The following CHODL variants were observed in gnomAD, a reference collection of about 807,000 sequenced individuals.
CHODL encodes the protein transmembrane protein MT75.
A neutral mutation model predicts 34.5 loss-of-function variants in CHODL; 29 were observed. The observed-to-expected ratio is 0.84, with a 90% CI of 0.63 to 1.15. CHODL has a LOEUF of 1.15. Among genes scored for constraint, CHODL ranks in the 50% most tolerant of loss-of-function variants. CHODL has a pLI of 0.00. For synonymous variants in CHODL, 125 were observed against 116.1 expected (o/e 1.08, Z -0.49); for missense variants, 332 against 332.5 (o/e 1.00, Z 0.01).
chr21:18,019,083 T>C (rs1256199062), intron 1 of CHODL, among the ~76,000 whole-genome samples: 3 of 152,234 alleles, frequency 2.0e-5, no homozygotes, highest in Non-Finnish European at 4.4e-5. Flanking sequence ...AAATGATTAT[T>C]TGTAGAGTTT....
At chr21:18,081,819 A>G (rs541007943) in intron 2 of CHODL, among the ~76,000 whole-genome samples, 1 of 152,046 alleles carries the variant, frequency 6.6e-6, no homozygotes, top group East Asian at 1.9e-4. Flanking sequence ...TTACATTGAG[A>G]TATGTTTCTT....
At chr21:18,264,131 G>A (rs1012094321) in intron 5 of CHODL, among the ~76,000 whole-genome samples, 2 of 152,082 alleles carry the variant, frequency 1.3e-5, no homozygotes, top group Non-Finnish European at 2.9e-5. Context: ...GGTGTGTTTA[G>A]AAATAGTTCT....
chr21:17,919,431 T>C (rs2063166802), intron 1 of CHODL, among the ~76,000 whole-genome samples: 1 of 152,164 alleles, frequency 6.6e-6, no homozygotes, highest in Non-Finnish European at 1.5e-5. Context: ...GCTACCAAGG[T>C]TTGGGATTCC....
intron 1 of CHODL, among the ~76,000 whole-genome samples, chr21:17,923,426 G>T (rs770835042): frequency 4.4e-4 from 67 of 151,318 alleles, no homozygotes; most frequent in Non-Finnish European, 7.5e-4. Flanking sequence ...CAAGATCTCA[G>T]AGGACATTTT....
intron 1 of CHODL, among the ~76,000 whole-genome samples, chr21:17,933,356 T>C (rs2063291509): frequency 6.6e-6 from 1 of 152,224 alleles, no homozygotes; most frequent in South Asian, 2.1e-4. Context: ...CCTTGGACAA[T>C]ACCTGGCTTT....
chr21:18,139,740 G>A (rs1688180), intron 2 of CHODL, among the ~76,000 whole-genome samples: 57,006 of 152,024 alleles, frequency 0.37, 12,961 homozygotes, highest in African/African-American at 0.61. Context: ...ACATTTAGAT[G>A]TGTATTCCAG....
chr21:18,094,757 AG>A (rs1286500583), intron 2 of CHODL, among the ~76,000 whole-genome samples: 25 of 150,658 alleles, frequency 1.7e-4, no homozygotes, highest in African/African-American at 5.6e-4. Context: ...AAAAAAAAAA[AG>A]CTTAAATAAC....
At chr21:18,090,361 C>T (rs1358528747) in intron 2 of CHODL, among the ~76,000 whole-genome samples, 1 of 152,074 alleles carries the variant, frequency 6.6e-6, no homozygotes, top group Non-Finnish European at 1.5e-5. Flanking sequence ...GATCCAAGAG[C>T]CTGCTGGTCA....
At chr21:18,186,776 AAGACT>A (rs1312766556) in intron 2 of CHODL, among the ~76,000 whole-genome samples, 1 of 152,182 alleles carries the variant, frequency 6.6e-6, no homozygotes, top group East Asian at 1.9e-4. Context: ...TAATCTCCCC[AAGACT>A]TATGAAATCA....
intron 2 of CHODL, among the ~76,000 whole-genome samples, chr21:18,159,301 G>A (rs896976348): frequency 6.6e-6 from 1 of 152,152 alleles, no homozygotes; most frequent in Non-Finnish European, 1.5e-5. Flanking sequence ...AAACACAAAC[G>A]TTTGGCAGAG....
chr21:18,186,387 G>C (rs1422898472), intron 2 of CHODL, among the ~76,000 whole-genome samples: 2 of 150,548 alleles, frequency 1.3e-5, no homozygotes, highest in Non-Finnish European at 2.9e-5. Context: ...GCTCCTTAGG[G>C]AAGAAAAGTT....
chr21:18,082,318 C>G (rs1053357569), intron 2 of CHODL, among the ~76,000 whole-genome samples: 1 of 152,190 alleles, frequency 6.6e-6, no homozygotes, highest in Admixed American at 6.5e-5. Flanking sequence ...GCCTGTGGAA[C>G]TGTGAGTCAA....
At chr21:18,161,528 T>C (rs2073095304) in intron 2 of CHODL, among the ~76,000 whole-genome samples, 1 of 152,218 alleles carries the variant, frequency 6.6e-6, no homozygotes, top group African/African-American at 2.4e-5. Flanking sequence ...CCTTCCACTC[T>C]GAGAGTCAGC....
chr21:18,002,995 C>A (rs1396558334), intron 1 of CHODL, among the ~76,000 whole-genome samples: 11 of 151,932 alleles, frequency 7.2e-5, no homozygotes, highest in Admixed American at 6.6e-4. Context: ...AGGTGGCGGG[C>A]GCCTGTAGTC....
At chr21:17,917,873 A>ATCCG (rs2063152631) in intron 1 of CHODL, among the ~76,000 whole-genome samples, 1 of 128,844 alleles carries the variant, frequency 7.8e-6, no homozygotes, top group African/African-American at 2.5e-5. Flanking sequence ...TCTCTCTGAT[A>ATCCG]TGCGTGTGTG....
intron 2 of CHODL, among the ~76,000 whole-genome samples, chr21:18,067,637 A>G (rs2064747479): frequency 6.6e-6 from 1 of 152,186 alleles, no homozygotes; most frequent in Non-Finnish European, 1.5e-5. Context: ...TGTTTAAGCC[A>G]CTCAGTTTGT....
At chr21:18,083,855 C>A (rs1465015665) in intron 2 of CHODL, among the ~76,000 whole-genome samples, 1 of 152,166 alleles carries the variant, frequency 6.6e-6, no homozygotes, top group Non-Finnish European at 1.5e-5. Flanking sequence ...AAGGGACTTG[C>A]CTTGCCTCAG....
chr21:18,103,256 A>G (rs971601646), intron 2 of CHODL, among the ~76,000 whole-genome samples: 1 of 152,188 alleles, frequency 6.6e-6, no homozygotes, highest in Non-Finnish European at 1.5e-5. Context: ...TTAAGATAAT[A>G]AAGAAACTGA....
chr21:17,952,814 T>C (rs774781204), intron 1 of CHODL, among the ~76,000 whole-genome samples: 4 of 152,210 alleles, frequency 2.6e-5, no homozygotes, highest in Non-Finnish European at 5.9e-5. Flanking sequence ...AAAAGAGGTT[T>C]AATCGCCTCT....
Sources: gnomAD v4.1 joint callset for allele counts (sites outside exome capture counted in the v4.1 genomes callset) on GRCh38, gnomAD v4.1.1 for gene constraint, MANE v1.5 for transcripts, NCBI Gene and HGNC (gene_info 2026-07-23, HGNC 2026-07-21) for gene names.